TNFRSF21: variants seen among roughly 807,000 people sequenced by gnomAD.
TNFRSF21 encodes tumor necrosis factor receptor superfamily member 21.
Under a neutral mutation model 45.6 loss-of-function variants are expected in TNFRSF21, and 19 were observed. That is an observed-to-expected ratio of 0.42 (90% CI 0.29 to 0.61). The LOEUF (loss-of-function observed/expected upper bound fraction) is 0.61. Among genes scored for constraint, TNFRSF21 ranks in the 20% least tolerant of loss-of-function variants. The pLI is 0.23. For synonymous variants in TNFRSF21, 314 were observed against 335.5 expected (o/e 0.94, Z 0.70); for missense variants, 737 against 851.5 (o/e 0.87, Z 1.67).
intron 3 of TNFRSF21, among the ~76,000 whole-genome samples, chr6:47,269,442 C>T (rs537284281): frequency 9.1e-4 from 138 of 152,278 alleles, no homozygotes; most frequent in Non-Finnish European, 1.5e-3. Context: ...AATAACAAGT[C>T]TTTGTAAAGA....
In TNFRSF21 at chr6:47,284,047, T is replaced by C. The variant is rs1399872554; in HGVS notation, c.1134A>G (p.Lys378=). 1 of 1,614,198 alleles carries C rather than the reference T, an allele frequency of 6.2e-7. No homozygotes were observed. Among genetic ancestry groups the C allele is most frequent in the South Asian group, 1.1e-5 (1 of 91,084 alleles). Residue 378 remains lysine, a synonymous_variant, in exon 3 of 6, where the codon AAA becomes AAG. Coordinates refer to ENST00000296861, the MANE Select transcript of TNFRSF21 (RefSeq NM_014452.5). ...CSIRKSSRTL[K]KGPRQDPSAI... ...CACTGGGATCCTGCCGGGGCCCCTT[T>C]TTCAGAGTCCTCGAGCTTTTCCGGA...
rs114426615 is a variant in TNFRSF21, at chr6:47,234,782, T to C, written c.1626A>G (p.Pro542=). ...CGAAGAAGCCCTTGTTCTTGTCCTG[T>C]GGGGAAGGCTCCACCGTCAGGAGAG... The part of the protein sequence containing the change: ...NSALLTVEPS[P]QDKNKGFFVD... Residue 542 remains proline, a synonymous_variant, in exon 5 of 6, where the codon CCA becomes CCG. Coordinates refer to ENST00000296861, the MANE Select transcript of TNFRSF21 (RefSeq NM_014452.5). The C allele has an allele frequency of 4.5e-4, 726 of 1,598,998 alleles. 3 individuals carry two copies. The African/African-American group carries it at 8.7e-3, about 19-fold the overall frequency.
At chr6:47,265,621 G>T (rs895902923) in intron 3 of TNFRSF21, among the ~76,000 whole-genome samples, 2 of 152,122 alleles carry the variant, frequency 1.3e-5, no homozygotes, top group African/African-American at 2.4e-5. Context: ...TCTGTATAGG[G>T]TTATGAAAAT....
At position 47,309,421 on chromosome 6, in the gene TNFRSF21, GA is replaced by G; in HGVS notation, c.90del (p.Leu31SerfsTer35). On this transcript the variant is annotated frameshift_variant, in exon 1 of 6. Coordinates refer to ENST00000296861, the MANE Select transcript of TNFRSF21 (RefSeq NM_014452.5). LOFTEE classifies it high-confidence loss of function. ...CGGTCCACGCAAGCGCTCACCAGGA[GA>G]AGGGAGCCCGCGATCATCGTGGCTG... ...RATATMIAGS[L>X]LLLGFLSTTT... is the part of the protein sequence containing the mutation. 1.3e-6 allele frequency: 2 copies of G among 1,547,274 alleles called. No homozygotes were observed. The highest frequency in any genetic ancestry group is 1.9e-5 in the Admixed American group (1 of 52,904).
chr6:47,270,359 C>T (rs1175000738), intron 3 of TNFRSF21, among the ~76,000 whole-genome samples: 1 of 152,192 alleles, frequency 6.6e-6, no homozygotes. Context: ...ACTGGTGATA[C>T]CCAGGCGAAC....
At chr6:47,273,178 T>A (rs1762451734) in intron 3 of TNFRSF21, among the ~76,000 whole-genome samples, 1 of 152,190 alleles carries the variant, frequency 6.6e-6, no homozygotes, top group African/African-American at 2.4e-5. Context: ...GCCAGCATCA[T>A]CTTGATACCA....
intron 3 of TNFRSF21, among the ~76,000 whole-genome samples, chr6:47,277,245 G>A (rs777316789): frequency 6.6e-6 from 1 of 152,184 alleles, no homozygotes; most frequent in Admixed American, 6.5e-5. Context: ...GGCCTGCCTC[G>A]GCCTCCAAAG....
chr6:47,243,686 GA>G (rs1310738338), intron 4 of TNFRSF21, among the ~76,000 whole-genome samples: 1 of 152,110 alleles, frequency 6.6e-6, no homozygotes, highest in Non-Finnish European at 1.5e-5. Context: ...CCAAAGTGCT[GA>G]GATTATAGGT....
In TNFRSF21 at chr6:47,309,736, A is replaced by C. The variant is rs115933056; in HGVS notation, c.-225T>G. The stretch of plus-strand genomic sequence containing the variant: ...CGGCGCGGCCGCCCAGGCGGGGAGA[A>C]GCCGCCGCGACTGCAGCCCGCGTCT... On this transcript the variant is annotated 5_prime_UTR_variant, in exon 1 of 6. Transcript: ENST00000296861. The C allele has an allele frequency of 2.1e-3, 1,021 of 494,632 alleles. 8 individuals are homozygous for C. The highest frequency in any genetic ancestry group is 0.019 in the African/African-American group (958 of 49,844). 30.6% of individuals were successfully genotyped at this position (494,632 alleles called of 1,614,324 possible).
chr6:47,272,105 A>G (rs1267363178), intron 3 of TNFRSF21, among the ~76,000 whole-genome samples: 1 of 152,204 alleles, frequency 6.6e-6, no homozygotes, highest in Non-Finnish European at 1.5e-5. Flanking sequence ...TAGACAGATC[A>G]ACGAAACAGA....
chr6:47,285,038 G>C (rs1167442236), intron 2 of TNFRSF21, among the ~76,000 whole-genome samples: 1 of 152,224 alleles, frequency 6.6e-6, no homozygotes, highest in Non-Finnish European at 1.5e-5. Flanking sequence ...AGAAGTATGA[G>C]AGATGGGAAT....
intron 1 of TNFRSF21, among the ~76,000 whole-genome samples, chr6:47,292,940 T>A (rs934304550): frequency 6.6e-6 from 1 of 152,254 alleles, no homozygotes; most frequent in Non-Finnish European, 1.5e-5. Flanking sequence ...TTGCTTTTGT[T>A]CATCTTCTAA....
At chr6:47,287,709 GA>G (rs1762670313) in intron 1 of TNFRSF21, among the ~76,000 whole-genome samples, 1 of 152,068 alleles carries the variant, frequency 6.6e-6, no homozygotes, top group African/African-American at 2.4e-5. Context: ...AGGACTCCTA[GA>G]AAATCAACAC....
At chr6:47,247,603 G>A (rs1460646753) in intron 4 of TNFRSF21, among the ~76,000 whole-genome samples, 1 of 152,182 alleles carries the variant, frequency 6.6e-6, no homozygotes, top group Non-Finnish European at 1.5e-5. Context: ...CCTGCAGCTG[G>A]TAAGCAAAAA....
intron 3 of TNFRSF21, among the ~76,000 whole-genome samples, chr6:47,281,531 C>T (rs975214641): frequency 6.6e-6 from 1 of 152,112 alleles, no homozygotes; most frequent in African/African-American, 2.4e-5. Context: ...TAGGCGTGTG[C>T]CACCATACCT....
intron 1 of TNFRSF21, among the ~76,000 whole-genome samples, chr6:47,288,926 G>A (rs1762684446): frequency 6.6e-6 from 1 of 152,210 alleles, no homozygotes; most frequent in Non-Finnish European, 1.5e-5. Context: ...GCATGGGCCT[G>A]CAGCCACCCA....
intron 4 of TNFRSF21, among the ~76,000 whole-genome samples, chr6:47,245,452 G>GTT (rs1198736554): frequency 1.6e-5 from 2 of 127,380 alleles, no homozygotes; most frequent in Non-Finnish European, 3.3e-5. Context: ...GTGTGTGTGT[G>GTT]TGTGTTTGTG....
intron 3 of TNFRSF21, among the ~76,000 whole-genome samples, chr6:47,273,246 A>C (rs536927133): frequency 4.9e-4 from 74 of 152,330 alleles, no homozygotes; most frequent in African/African-American, 1.1e-3. Flanking sequence ...CCTGATGAAC[A>C]TCAATGGGAA....
At chr6:47,282,065 A>T (rs1365452986) in intron 3 of TNFRSF21, among the ~76,000 whole-genome samples, 1 of 152,028 alleles carries the variant, frequency 6.6e-6, no homozygotes, top group Non-Finnish European at 1.5e-5. Context: ...CATAAAATAC[A>T]CCAATAATAG....
Sources: allele counts gnomAD v4.1 joint callset (sites outside exome capture counted in the v4.1 genomes callset), GRCh38; gene constraint gnomAD v4.1.1; transcripts MANE v1.5; gene names NCBI Gene and HGNC (gene_info 2026-07-23, HGNC 2026-07-21).